The following GRHL2 variants were observed in gnomAD, a reference collection of about 807,000 sequenced individuals.
The protein encoded by GRHL2 is grainyhead like transcription factor 2.
GRHL2 carries 21 observed loss-of-function variants against 83.8 expected under a neutral mutation model. The observed-to-expected ratio is 0.25, with a 90% CI of 0.18 to 0.36. GRHL2 has a LOEUF of 0.36. Ranked by LOEUF, GRHL2 falls within the 10% of genes least tolerant of loss-of-function variation. GRHL2 has a pLI of 1.00. For missense variants in GRHL2, 623 were observed against 781.8 expected, an observed-to-expected ratio of 0.80 and a Z score of 2.42; for synonymous variants, 280 against 278.9, an observed-to-expected ratio of 1.00 and a Z score of -0.04.
At chr8:101,552,873 G>C in intron 3 of GRHL2, 91 bp downstream of exon 3, 1 of 1,201,966 alleles carries the variant, frequency 8.3e-7, no homozygotes, top group East Asian at 2.6e-5. Context: ...AGAGGAGATG[G>C]GGTCAAGAAG....
chr8:101,552,798 T>C lies in GRHL2; in HGVS notation c.284+16T>C. 1 of 1,611,850 alleles carries C rather than the reference T, an allele frequency of 6.2e-7. No individual in the cohort carries two copies. The highest frequency in any genetic ancestry group is 1.1e-5 in the South Asian group (1 of 90,818). On this transcript the variant is annotated intron_variant, in intron 3 of 15. Coordinates refer to ENST00000646743, the MANE Select transcript of GRHL2 (RefSeq NM_024915.4). The stretch of plus-strand genomic sequence containing the variant: ...AGGAGAAAAGGTAAAGGAATTTGCC[T>C]GGCCCCCAGAATAACTCTATGTTTT...
At chr8:101,590,434 T>C (rs1224553800) in intron 7 of GRHL2, among the ~76,000 whole-genome samples, 1 of 152,206 alleles carries the variant, frequency 6.6e-6, no homozygotes, top group Non-Finnish European at 1.5e-5. Context: ...CCGATCCTAT[T>C]TGGCACTGCA....
intron 4 of GRHL2, among the ~76,000 whole-genome samples, chr8:101,563,350 T>G (rs1057165486): frequency 6.6e-6 from 1 of 152,144 alleles, no homozygotes; most frequent in African/African-American, 2.4e-5. Flanking sequence ...CCTTGGTCCA[T>G]CTCAGATTTT....
At chr8:101,535,051 A>T (rs1031644198) in intron 1 of GRHL2, among the ~76,000 whole-genome samples, 9 of 152,246 alleles carry the variant, frequency 5.9e-5, no homozygotes. Context: ...GCTAAGATCC[A>T]GACAGGTTGA....
At chr8:101,662,455 C>T (rs1052257563) in intron 14 of GRHL2, among the ~76,000 whole-genome samples, 1 of 152,222 alleles carries the variant, frequency 6.6e-6, no homozygotes, top group African/African-American at 2.4e-5. Context: ...CTGTGAGTCT[C>T]TGTAGAGTGA....
At position 101,562,235 on chromosome 8, in the gene GRHL2, T is replaced by C. The variant is rs375070154; in HGVS notation, c.678+3423T>C. Reference sequence around the variant, plus strand: ...TCATTGAATCAATACTTTTATTCCATAGCTCTCACTGGTATTCGATAGGTT... The same window carrying C: ...TCATTGAATCAATACTTTTATTCCACAGCTCTCACTGGTATTCGATAGGTT... On this transcript the variant is annotated intron_variant, in intron 4 of 15. Transcript: ENST00000646743. The C allele has an allele frequency of 3.4e-4, 206 of 603,660 alleles. 2 individuals are homozygous for C. The East Asian group carries it at 6.9e-3, about 20-fold the overall frequency. The allele number at this position is 603,660 out of a possible 1,614,324, so 37.4% of individuals were successfully genotyped here.
intron 1 of GRHL2, among the ~76,000 whole-genome samples, chr8:101,507,870 C>T (rs1438845730): frequency 1.4e-5 from 2 of 145,364 alleles, no homozygotes; most frequent in Non-Finnish European, 3.0e-5. Context: ...CTCCGTCTCC[C>T]GGGTTCAAGC....
At position 101,533,991 on chromosome 8, in the gene GRHL2, C is replaced by T. The variant is rs80020056; in HGVS notation, c.21-9250C>T. Among the ~76,000 whole-genome samples the T allele has an allele frequency of 3.5e-3, 539 of 152,106 alleles. 2 individuals are homozygous for T. The highest frequency in any genetic ancestry group is 5.4e-3 in the African/African-American group (225 of 41,490). ...AGGGGAGTCATTACAGAATTGAGCA[C>T]GAGAGGGCATGATGTGATTTTGTTT... On this transcript the variant is annotated intron_variant, in intron 1 of 15. Coordinates refer to ENST00000646743, the MANE Select transcript of GRHL2 (RefSeq NM_024915.4).
intron 2 of GRHL2, 45 bp from the exon 3 acceptor site, chr8:101,552,670 G>A (rs1292088008): frequency 1.3e-6 from 2 of 1,573,230 alleles, no homozygotes; most frequent in Non-Finnish European, 1.7e-6. Flanking sequence ...ACATGGTCAT[G>A]GTTGCCTCTG....
At chr8:101,504,502 C>T (rs1473471464) in intron 1 of GRHL2, among the ~76,000 whole-genome samples, 6 of 152,118 alleles carry the variant, frequency 3.9e-5, no homozygotes, top group African/African-American at 1.2e-4. Flanking sequence ...CTGCTGGCCT[C>T]ACCACCTCAG....
chr8:101,506,496 T>C (rs908375375), intron 1 of GRHL2, among the ~76,000 whole-genome samples: 8 of 152,242 alleles, frequency 5.3e-5, no homozygotes, highest in Admixed American at 2.0e-4. Flanking sequence ...CACTTAATAC[T>C]ATACTATTGG....
intron 12 of GRHL2, among the ~76,000 whole-genome samples, chr8:101,640,263 G>C (rs192148845): frequency 1.3e-5 from 2 of 152,056 alleles, no homozygotes; most frequent in African/African-American, 2.4e-5. Flanking sequence ...ACCTGCTAGC[G>C]TTATTATAAG....
At position 101,667,156 on chromosome 8, in the gene GRHL2, T is replaced by C. The variant is rs1232046137; in HGVS notation, c.*453T>C. On this transcript the variant is annotated 3_prime_UTR_variant, in exon 16 of 16. Transcript: ENST00000646743. Reference sequence around the variant, plus strand: ...CAAAATGAGCTACGTCTGGGTGCAGTAGTTATAGGTGGGGCAAGAGGTGGA... The same window carrying C: ...CAAAATGAGCTACGTCTGGGTGCAGCAGTTATAGGTGGGGCAAGAGGTGGA... The C allele has an allele frequency of 4.3e-6, 1 of 230,860 alleles. No homozygotes were observed. Among genetic ancestry groups the C allele is most frequent in the African/African-American group, 2.2e-5 (1 of 45,092 alleles). 14.3% of individuals were successfully genotyped at this position (230,860 alleles called of 1,614,324 possible).
chr8:101,566,198 A>C (rs1395291250), intron 4 of GRHL2, among the ~76,000 whole-genome samples: 2 of 152,208 alleles, frequency 1.3e-5, no homozygotes, highest in Non-Finnish European at 2.9e-5. Flanking sequence ...TCACTTTGTT[A>C]ATGTGTTTTA....
intron 1 of GRHL2, chr8:101,542,634 G>C (rs1384993143): frequency 2.6e-6 from 1 of 386,882 alleles, no homozygotes; most frequent in East Asian, 7.2e-5. Flanking sequence ...GTTTGAAGAG[G>C]ACCAATTGTT....
At chr8:101,651,184 T>C (rs1483924364) in intron 14 of GRHL2, among the ~76,000 whole-genome samples, 1 of 152,232 alleles carries the variant, frequency 6.6e-6, no homozygotes, top group Non-Finnish European at 1.5e-5. Flanking sequence ...GCTCATAAAA[T>C]ATTCAGACCT....
chr8:101,511,787 C>G (rs544541099), intron 1 of GRHL2, among the ~76,000 whole-genome samples: 7 of 151,984 alleles, frequency 4.6e-5, no homozygotes, highest in Non-Finnish European at 1.0e-4. Context: ...TTCTATCATT[C>G]TATTTATTTT....
At chr8:101,640,046 G>C (rs1410240751) in intron 12 of GRHL2, among the ~76,000 whole-genome samples, 1 of 152,192 alleles carries the variant, frequency 6.6e-6, no homozygotes, top group African/African-American at 2.4e-5. Flanking sequence ...GTAGGCAGGG[G>C]ATATGACAGT....
intron 1 of GRHL2, among the ~76,000 whole-genome samples, chr8:101,511,918 T>C (rs1167988896): frequency 6.6e-6 from 1 of 152,214 alleles, no homozygotes; most frequent in African/African-American, 2.4e-5. Context: ...ATTCTGCCAA[T>C]GCCATTTATT....
Sources: gnomAD v4.1 joint callset for allele counts (sites outside exome capture counted in the v4.1 genomes callset) on GRCh38, gnomAD v4.1.1 for gene constraint, MANE v1.5 for transcripts, NCBI Gene and HGNC (gene_info 2026-07-23, HGNC 2026-07-21) for gene names.